The following PPFIBP1 variants were observed in gnomAD, a reference collection of about 807,000 sequenced individuals.
The protein encoded by PPFIBP1 is PPFIB scaffold protein 1, also known as liprin-beta-1.
Under a neutral mutation model 137.8 loss-of-function variants are expected in PPFIBP1, and 112 were observed. That is an observed-to-expected ratio of 0.81 (90% CI 0.70 to 0.95). The LOEUF (loss-of-function observed/expected upper bound fraction) is 0.95, where lower values mean the gene tolerates loss of function less well. Ranked by LOEUF, PPFIBP1 falls within the 40% of genes least tolerant of loss-of-function variation. PPFIBP1 has a pLI of 0.00. For missense variants in PPFIBP1, 1,083 were observed against 1,196.6 expected, an observed-to-expected ratio of 0.91 and a Z score of 1.40; for synonymous variants, 378 against 417.3, an observed-to-expected ratio of 0.91 and a Z score of 1.15.
At chr12:27,664,326 C>G (rs2059727428) in intron 11 of PPFIBP1, 36 bp from the exon 12 acceptor site, 2 of 1,350,208 alleles carry the variant, frequency 1.5e-6, no homozygotes, top group Admixed American at 3.4e-5. Context: ...CTTTTAAGAA[C>G]ATAGGATTAA....
intron 4 of PPFIBP1, 115 bp downstream of exon 4, chr12:27,635,230 A>G (rs1385531170): frequency 4.3e-6 from 4 of 921,376 alleles, no homozygotes; most frequent in South Asian, 3.0e-5. Flanking sequence ...ATGTGCTCCG[A>G]TTTTATTACT....
rs1213379348 is a variant in PPFIBP1, at chr12:27,647,724, T to C, written c.358-5T>C. ...ACTCATTGCATTATTTTGCTCTAAA[T>C]ACAGGTAAGTGTGTTAACAGACCAG... is the stretch of plus-strand genomic sequence containing the variant. On this transcript the variant is annotated splice_region_variant and splice_polypyrimidine_tract_variant and intron_variant, in intron 5 of 29. Transcript: ENST00000228425. 3.8e-6 allele frequency: 6 copies of C among 1,577,738 alleles called. No homozygotes were observed. Among genetic ancestry groups the C allele is most frequent in the Non-Finnish European group, 5.2e-6 (6 of 1,162,638 alleles).
At chr12:27,662,814 T>C (rs755129807) in intron 11 of PPFIBP1, among the ~76,000 whole-genome samples, 16 of 152,232 alleles carry the variant, frequency 1.1e-4, no homozygotes, top group Non-Finnish European at 2.1e-4. Context: ...TGTAGAACTA[T>C]AGATTAGTGG....
At chr12:27,657,709 C>T (rs1331266010) in intron 9 of PPFIBP1, among the ~76,000 whole-genome samples, 1 of 151,992 alleles carries the variant, frequency 6.6e-6, no homozygotes, top group African/African-American at 2.4e-5. Context: ...CACCACCAAC[C>T]GCTTCACCGC....
chr12:27,533,743 T>A (rs187508104), intron 1 of PPFIBP1, among the ~76,000 whole-genome samples: 1 of 151,796 alleles, frequency 6.6e-6, no homozygotes, highest in East Asian at 1.9e-4. Flanking sequence ...CGAACAAGAG[T>A]ATGTAGAGTA....
chr12:27,618,041 T>C (rs1182678249), intron 2 of PPFIBP1, among the ~76,000 whole-genome samples: 1 of 152,234 alleles, frequency 6.6e-6, no homozygotes, highest in East Asian at 1.9e-4. Context: ...TCAGAACTTT[T>C]ATTGAAATGA....
chr12:27,543,020 C>T (rs933221080), intron 1 of PPFIBP1, among the ~76,000 whole-genome samples: 1 of 152,152 alleles, frequency 6.6e-6, no homozygotes, highest in African/African-American at 2.4e-5. Context: ...AAATCTGTTA[C>T]ATAACCCAGG....
intron 1 of PPFIBP1, among the ~76,000 whole-genome samples, chr12:27,531,293 AATTATT>A (rs1430942488): frequency 6.6e-6 from 1 of 151,948 alleles, no homozygotes; most frequent in Non-Finnish European, 1.5e-5. Flanking sequence ...AATAATTAGA[AATTATT>A]ATTATTTTTT....
At chr12:27,559,016 C>T (rs1375772722) in intron 1 of PPFIBP1, among the ~76,000 whole-genome samples, 5 of 151,968 alleles carry the variant, frequency 3.3e-5, no homozygotes, top group Admixed American at 3.3e-4. Flanking sequence ...TGTGCCACCA[C>T]ACCTGACTAA....
At chr12:27,630,282 C>T (rs1159872964) in intron 2 of PPFIBP1, among the ~76,000 whole-genome samples, 1 of 151,966 alleles carries the variant, frequency 6.6e-6, no homozygotes. Context: ...TCTCCCTTAA[C>T]ACCATCAGTT....
chr12:27,560,857 A>G (rs951020556), intron 1 of PPFIBP1, among the ~76,000 whole-genome samples: 1 of 152,232 alleles, frequency 6.6e-6, no homozygotes, highest in Non-Finnish European at 1.5e-5. Flanking sequence ...TTAATATCCT[A>G]TGTACTAAAC....
At chr12:27,565,116 C>G (rs911688182) in intron 1 of PPFIBP1, among the ~76,000 whole-genome samples, 1 of 152,214 alleles carries the variant, frequency 6.6e-6, no homozygotes, top group African/African-American at 2.4e-5. Flanking sequence ...GCAGTCTCCA[C>G]TCAATCTCTA....
chr12:27,656,952 T>C (rs2059238235), intron 9 of PPFIBP1: 1 of 415,212 alleles, frequency 2.4e-6, no homozygotes, highest in Non-Finnish European at 4.4e-6. Context: ...CTGTACTTTA[T>C]TTGGTGTTTA....
intron 5 of PPFIBP1, among the ~76,000 whole-genome samples, chr12:27,647,146 C>T (rs2058562640): frequency 6.6e-6 from 1 of 152,194 alleles, no homozygotes; most frequent in African/African-American, 2.4e-5. Flanking sequence ...GGATTACAGG[C>T]ACATGCCCCC....
At chr12:27,574,854 T>C (rs2050430636) in intron 1 of PPFIBP1, among the ~76,000 whole-genome samples, 1 of 152,244 alleles carries the variant, frequency 6.6e-6, no homozygotes, top group Admixed American at 6.5e-5. Flanking sequence ...ACTTCTTTCC[T>C]AGGATATTTG....
intron 4 of PPFIBP1, among the ~76,000 whole-genome samples, chr12:27,644,244 G>GTTGTTTTTTTTTTTTT (rs2058314498): frequency 1.7e-5 from 2 of 117,742 alleles, no homozygotes; most frequent in African/African-American, 3.3e-5. Context: ...GCTTGGCTAA[G>GTTGTTTTTTTTTTTTT]TTTTTTTTTT....
At chr12:27,689,285 G>T in intron 27 of PPFIBP1, 82 bp downstream of exon 27, 1 of 1,380,788 alleles carries the variant, frequency 7.2e-7, no homozygotes, top group South Asian at 1.5e-5. Flanking sequence ...CTGTTTTCTG[G>T]GGTTTACTAA....
chr12:27,556,982 A>C (rs10506022), intron 1 of PPFIBP1, among the ~76,000 whole-genome samples: 15,202 of 152,024 alleles, frequency 0.1, 957 homozygotes, highest in South Asian at 0.27. Flanking sequence ...AAATCTTGAA[A>C]TAGGTCTTAC....
rs1281832120 is a variant in PPFIBP1, at chr12:27,676,475, G to GC, written c.1463dup (p.Gly489ArgfsTer8). 6.3e-7 allele frequency: 1 copy of GC among 1,582,472 alleles called. No individual in the cohort carries two copies. Among genetic ancestry groups the GC allele is most frequent in the Non-Finnish European group, 8.6e-7 (1 of 1,163,420 alleles). ...GGCCATTTGGGACCCTTCCTCCCAG[G>GC]CCCCCAGGGCAGGACACCTCCATGG... On this transcript the variant is annotated frameshift_variant, in exon 18 of 30. Transcript: ENST00000228425. LOFTEE classifies it high-confidence loss of function.
Sources: gnomAD v4.1 joint callset for allele counts (sites outside exome capture counted in the v4.1 genomes callset) on GRCh38, gnomAD v4.1.1 for gene constraint, MANE v1.5 for transcripts, NCBI Gene and HGNC (gene_info 2026-07-23, HGNC 2026-07-21) for gene names.